The following FAM120C variants were observed in gnomAD, a reference collection of about 807,000 sequenced individuals.
FAM120C encodes the protein constitutive coactivator of PPAR-gamma-like protein 2.
Under a neutral mutation model 71.2 loss-of-function variants are expected in FAM120C, and 14 were observed. That is an observed-to-expected ratio of 0.20 (90% confidence interval 0.13 to 0.31). FAM120C has a LOEUF of 0.31. Ranked by LOEUF, FAM120C falls within the 10% of genes least tolerant of loss-of-function variation. FAM120C has a pLI of 1.00. For missense variants in FAM120C, 500 were observed against 879.0 expected (o/e 0.57, Z 5.45); for synonymous variants, 354 against 353.2 (o/e 1.00, Z -0.03).
At chrX:54,080,411 A>G in intron 14 of FAM120C, 122 bp from the exon 15 acceptor site, 2 of 529,485 alleles carry the variant, frequency 3.8e-6, no homozygotes, top group Non-Finnish European at 6.5e-6. Flanking sequence ...GCCCCTTCTC[A>G]GTGTTACTAC....
At chrX:54,135,417 T>C in intron 6 of FAM120C, 111 bp downstream of exon 6, 1 of 674,236 alleles carries the variant, frequency 1.5e-6, no homozygotes, top group Non-Finnish European at 2.2e-6. Context: ...TAATATAGTA[T>C]ATATAGCCCT....
At chrX:54,137,835 T>G (rs1425275791) in intron 4 of FAM120C, among the ~76,000 whole-genome samples, 1 of 111,816 alleles carries the variant, frequency 8.9e-6, no homozygotes, top group African/African-American at 3.2e-5. Flanking sequence ...TGAACTCCAG[T>G]ACATTGATGG....
At chrX:54,095,040 C>T (rs1423719349) in intron 10 of FAM120C, among the ~76,000 whole-genome samples, 2 of 111,316 alleles carry the variant, frequency 1.8e-5, no homozygotes, top group Non-Finnish European at 3.8e-5. Context: ...GCACTCCAGC[C>T]TGGGCGACAG....
chrX:54,079,042 T>C lies in FAM120C; in HGVS notation c.3036+1190A>G, dbSNP rs781945410. 8.0e-4 allele frequency among the ~76,000 whole-genome samples: 86 copies of C among 106,954 alleles called. No homozygotes were observed. The South Asian group carries it at 0.031, about 38-fold the overall frequency. The allele number at this position is 106,954 out of a possible 115,157, so 92.9% of individuals were successfully genotyped here. On this transcript the variant is annotated intron_variant, in intron 15 of 15. Transcript: ENST00000375180. ...TTGGGAGGCCAAGGCGGGCAGATCA[T>C]GAGGTCAGGAGATCGAGACCATCCT...
intron 15 of FAM120C, among the ~76,000 whole-genome samples, chrX:54,074,916 A>G (rs187918985): frequency 3.6e-5 from 4 of 111,647 alleles, no homozygotes; most frequent in Admixed American, 2.9e-4. Flanking sequence ...TGAAGCTCCT[A>G]GGAGGCCAAG....
intron 10 of FAM120C, among the ~76,000 whole-genome samples, chrX:54,093,890 T>C (rs1471885022): frequency 9.0e-6 from 1 of 111,280 alleles, no homozygotes; most frequent in African/African-American, 3.3e-5. Context: ...TATTAGTAGT[T>C]ACATTACTAC....
rs2067226160 is a variant in FAM120C at position 54,159,583 on chromosome X, C to T, written c.733G>A (p.Val245Met). ...CCATTTTCCCTGAAAAACGCCACCA[C>T]TTCCAAATGGTGGTCTTCAAGGCTC... ...FQSLEDHHLE[V>M]VAFFRENGFH... Residue 245 changes from valine to methionine, a missense_variant, in exon 2 of 16, where the codon GTG (valine) becomes ATG (methionine). This residue lies in a region of FAM120C where 45 missense variants were observed against 140.2 expected (regional missense o/e 0.32). Transcript: ENST00000375180. 8.3e-7 allele frequency: 1 copy of T among 1,208,199 alleles called. No individual in the cohort carries two copies. The highest frequency in any genetic ancestry group is 1.8e-5 in the African/African-American group (1 of 56,824).
intron 1 of FAM120C, among the ~76,000 whole-genome samples, chrX:54,167,947 G>A (rs1294063132): frequency 9.9e-6 from 1 of 100,964 alleles, no homozygotes; most frequent in Non-Finnish European, 2.0e-5. Context: ...CAGCCTGGGC[G>A]ACAGAGTGAG....
chrX:54,183,228 C>T lies in FAM120C; in HGVS notation c.-30G>A. 1 of 1,014,002 alleles carries T rather than the reference C, an allele frequency of 9.9e-7. No individual in the cohort carries two copies. Among genetic ancestry groups the T allele is most frequent in the Non-Finnish European group, 1.3e-6 (1 of 792,083 alleles). The allele number at this position is 1,014,002 out of a possible 1,213,427, so 83.6% of individuals were successfully genotyped here. ...CGTCGGTGGGCAGACGCGATAGCGG[C>T]TGCGCAAGCAGGATAGGCGACGATC... On this transcript the variant is annotated 5_prime_UTR_variant, in exon 1 of 16. Coordinates refer to ENST00000375180, the MANE Select transcript of FAM120C (RefSeq NM_017848.6).
chrX:54,151,303 G>C lies in FAM120C; in HGVS notation c.1100C>G (p.Ser367Cys), dbSNP rs782777601. 41 of 1,208,191 alleles carry C rather than the reference G, an allele frequency of 3.4e-5. No individual in the cohort carries two copies. Among genetic ancestry groups the C allele is most frequent in the Non-Finnish European group, 4.2e-5 (38 of 894,312 alleles). The change falls in exon 4 of 16, where the codon TCC becomes TGC. Residue 367 changes from serine (S) to cysteine (C), a missense_variant. This residue lies in a region of FAM120C where 55 missense variants were observed against 96.7 expected (regional missense o/e 0.57). Transcript: ENST00000375180. ...VIKAVSEYVS[S>C]IKDPSNLDVV... ...ATCCAGGTTTGAGGGATCTTTGATG[G>C]AACTGACATACTCAGAAACAGCCTT...
At chrX:54,100,258 G>A (rs1171853904) in intron 10 of FAM120C, among the ~76,000 whole-genome samples, 1 of 111,571 alleles carries the variant, frequency 9.0e-6, no homozygotes, top group Non-Finnish European at 1.9e-5. Flanking sequence ...TTGGGAGGCC[G>A]AGGCGGGCAG....
intron 10 of FAM120C, among the ~76,000 whole-genome samples, chrX:54,097,815 C>T (rs1025971650): frequency 5.4e-5 from 6 of 110,591 alleles, no homozygotes; most frequent in Non-Finnish European, 9.5e-5. Flanking sequence ...CAAGCTCCAC[C>T]TCCCAGGTTC....
At chrX:54,076,320 C>CT (rs1557120676) in intron 15 of FAM120C, among the ~76,000 whole-genome samples, 1 of 102,732 alleles carries the variant, frequency 9.7e-6, no homozygotes, top group African/African-American at 3.6e-5. Flanking sequence ...TGGAGCAAGA[C>CT]TGTTTTTTTA....
At chrX:54,158,656 C>G (rs2067221806) in intron 2 of FAM120C, among the ~76,000 whole-genome samples, 1 of 111,017 alleles carries the variant, frequency 9.0e-6, no homozygotes, top group Non-Finnish European at 1.9e-5. Context: ...ATAGTCCCAG[C>G]TATTCAGGAA....
intron 1 of FAM120C, among the ~76,000 whole-genome samples, chrX:54,177,923 G>C (rs1557136855): frequency 9.0e-6 from 1 of 111,641 alleles, no homozygotes; most frequent in African/African-American, 3.3e-5. Context: ...TTCAAGAATA[G>C]GATGGCTTGA....
intron 4 of FAM120C, among the ~76,000 whole-genome samples, chrX:54,142,551 G>A (rs897351624): frequency 8.9e-6 from 1 of 112,003 alleles, no homozygotes; most frequent in Admixed American, 9.5e-5. Context: ...AGGGGCGTCC[G>A]CCATTGCTGA....
chrX:54,129,889 G>A (rs1367594461), intron 9 of FAM120C, among the ~76,000 whole-genome samples: 6 of 109,745 alleles, frequency 5.5e-5, no homozygotes, highest in Admixed American at 9.7e-5. Context: ...GCGTGGCGGC[G>A]CGCGCCTGCA....
Position 54,087,717 on chromosome X carries a change from G to T in FAM120C, c.2637+38C>A, listed in dbSNP as rs377458315. The T allele has an allele frequency of 3.4e-6, 4 of 1,161,755 alleles. No homozygotes were observed. The African/African-American group carries it at 7.1e-5, about 21-fold the overall frequency. On this transcript the variant is annotated intron_variant, in intron 12 of 15. Transcript: ENST00000375180. ...TCCCTGCCCATTCACTCCCACAGGA[G>T]ATCAGAGCTAGTCCTTAGCAGCCTG...
At chrX:54,078,487 C>T (rs2066747907) in intron 15 of FAM120C, among the ~76,000 whole-genome samples, 1 of 111,487 alleles carries the variant, frequency 9.0e-6, no homozygotes, top group African/African-American at 3.3e-5. Flanking sequence ...AAATGCTTTG[C>T]GTGGGAGACT....
Sources: allele counts gnomAD v4.1 joint callset (sites outside exome capture counted in the v4.1 genomes callset), GRCh38; gene constraint gnomAD v4.1.1; regional missense constraint gnomAD v4.1.1; transcripts MANE v1.5; gene names NCBI Gene and HGNC (gene_info 2026-07-23, HGNC 2026-07-21).